The following BRINP1 variants were observed in gnomAD, a reference collection of about 807,000 sequenced individuals.
The protein encoded by BRINP1 is BMP/retinoic acid-inducible neural-specific protein 1.
Under a neutral mutation model 72.9 loss-of-function variants are expected in BRINP1, and 17 were observed. The ratio of observed to expected loss-of-function variants is 0.23; its 90% confidence interval spans 0.16 to 0.35. The LOEUF (loss-of-function observed/expected upper bound fraction) is 0.35, where lower values mean the gene tolerates loss of function less well. BRINP1 is among the 10% of genes least tolerant of loss of function. The probability of loss-of-function intolerance (pLI) is 1.00; values close to 1 mark genes in which losing one functional copy is unlikely to be tolerated. For synonymous variants in BRINP1, 418 were observed against 378.5 expected (o/e 1.10, Z -1.21); for missense variants, 850 against 1,001.6 (o/e 0.85, Z 2.04).
In BRINP1 at chr9:119,167,792, G is replaced by C. The variant is rs749027835; in HGVS notation, c.1578C>G (p.Leu526=). ...TGCGGTTCTTGTTGCTCTTGAGAGT[G>C]AGGGACATGCGCTTGCGCCACCGAG... ...FDPRWRKRMS[L]TLKSNKNRMD... is the part of the protein sequence containing the mutation. Residue 526 remains leucine, a synonymous_variant, in exon 8 of 8, where the codon CTC becomes CTG. Transcript: ENST00000265922. This position sits in a 1 kb window ranked among gnomAD's most constrained non-coding sequence, Gnocchi z 4.3. 2.0e-5 allele frequency: 32 copies of C among 1,613,954 alleles called. No homozygotes were observed. The highest frequency in any genetic ancestry group is 2.3e-5 in the Non-Finnish European group (27 of 1,180,034).
intron 7 of BRINP1, among the ~76,000 whole-genome samples, chr9:119,172,685 G>A (rs1829429940): frequency 6.6e-6 from 1 of 151,532 alleles, no homozygotes; most frequent in South Asian, 2.1e-4. Flanking sequence ...CCAAAAAAGA[G>A]AATTTTAGAC....
At chr9:119,338,728 A>C (rs1831376575) in intron 1 of BRINP1, among the ~76,000 whole-genome samples, 1 of 150,310 alleles carries the variant, frequency 6.7e-6, no homozygotes, top group African/African-American at 2.4e-5. Flanking sequence ...AAAAAAAAAA[A>C]AAAAGAAGAA....
intron 3 of BRINP1, among the ~76,000 whole-genome samples, chr9:119,245,184 C>G (rs1450632258): frequency 7.3e-6 from 1 of 137,554 alleles, no homozygotes; most frequent in East Asian, 2.6e-4. Context: ...TATGCATGTG[C>G]AAGCTCACAT....
At chr9:119,351,962 T>G (rs916201840) in intron 1 of BRINP1, among the ~76,000 whole-genome samples, 9 of 151,852 alleles carry the variant, frequency 5.9e-5, no homozygotes, top group Non-Finnish European at 1.5e-5. Flanking sequence ...TCCACCACCA[T>G]GCCCAGCTAA....
intron 7 of BRINP1, among the ~76,000 whole-genome samples, chr9:119,204,774 C>T (rs1829836473): frequency 6.6e-6 from 1 of 152,194 alleles, no homozygotes; most frequent in Non-Finnish European, 1.5e-5. Flanking sequence ...TTATTATCCC[C>T]TTTCACAAAT....
intron 1 of BRINP1, among the ~76,000 whole-genome samples, chr9:119,316,115 C>G (rs7022593): frequency 0.05 from 7,659 of 152,188 alleles, 657 homozygotes; most frequent in African/African-American, 0.17. Flanking sequence ...GAGACAGGGT[C>G]TTGCTCTGTC....
At chr9:119,239,237 T>C (rs1445401956) in intron 4 of BRINP1, among the ~76,000 whole-genome samples, 5 of 152,172 alleles carry the variant, frequency 3.3e-5, no homozygotes, top group African/African-American at 1.2e-4. Flanking sequence ...ATGGCATGTG[T>C]TCCATAATGG....
chr9:119,340,414 A>G (rs1049203617), intron 1 of BRINP1, among the ~76,000 whole-genome samples: 9 of 143,570 alleles, frequency 6.3e-5, no homozygotes, highest in South Asian at 2.2e-4. Context: ...CCTCTGAGGG[A>G]AAAAAAAAAG....
chr9:119,175,547 C>A (rs1213333754), intron 7 of BRINP1, among the ~76,000 whole-genome samples: 2 of 152,078 alleles, frequency 1.3e-5, no homozygotes, highest in African/African-American at 4.8e-5. Context: ...TATTTCCCTG[C>A]ATTTTTCCAG....
chr9:119,181,821 C>T (rs1315988639), intron 7 of BRINP1, among the ~76,000 whole-genome samples: 1 of 152,174 alleles, frequency 6.6e-6, no homozygotes, highest in African/African-American at 2.4e-5. Context: ...TGAGTCATAG[C>T]TCTGCTACTC....
rs531320307 is a variant in BRINP1 at position 119,333,131 on chromosome 9, G to A, written c.-50-19726C>T. On this transcript the variant is annotated intron_variant, in intron 1 of 7. Coordinates refer to ENST00000265922, the MANE Select transcript of BRINP1 (RefSeq NM_014618.3). ...CCCCAAGCTATGTGTCTTTAATCTAGTGTGGCTTGTGAGTCTCAAGCAGTC... is the reference window on the plus strand; with the variant it reads ...CCCCAAGCTATGTGTCTTTAATCTAATGTGGCTTGTGAGTCTCAAGCAGTC... Among the ~76,000 whole-genome samples the A allele has an allele frequency of 1.3e-4, 19 of 151,772 alleles. 1 individual carries two copies. The highest frequency in any genetic ancestry group is 4.6e-4 in the African/African-American group (19 of 41,364).
At chr9:119,184,944 A>T (rs77939398) in intron 7 of BRINP1, among the ~76,000 whole-genome samples, 362 of 152,308 alleles carry the variant, frequency 2.4e-3, no homozygotes, top group Non-Finnish European at 3.8e-3. Flanking sequence ...TGCTTTCCAA[A>T]GACTTTTGCA....
chr9:119,167,472 G>C lies in BRINP1; in HGVS notation c.1898C>G (p.Thr633Ser). ...CGACAGGTCCACGGGGCCCTGGCCA[G>C]TCTCATTTCGCAGTAGGGTAGGTAG... ...TRLPTLLRNE[T>S]GQGPVDLSDP... The change falls in exon 8 of 8, where the codon ACT becomes AGT. Residue 633 changes from threonine (T) to serine (S), a missense_variant. Physicochemically the swap from Thr to Ser is moderately conservative, Grantham distance 58 (BLOSUM62 1). Transcript: ENST00000265922. This position sits in a 1 kb window ranked among gnomAD's most constrained non-coding sequence, Gnocchi z 4.3. 6.2e-7 allele frequency: 1 copy of C among 1,614,146 alleles called. No homozygotes were observed. The highest frequency in any genetic ancestry group is 8.5e-7 in the Non-Finnish European group (1 of 1,180,022).
intron 7 of BRINP1, among the ~76,000 whole-genome samples, chr9:119,200,636 G>GAAAAAA (rs774466695): frequency 8.3e-6 from 1 of 121,206 alleles, no homozygotes; most frequent in Non-Finnish European, 1.7e-5. Context: ...GAAAAAAAAA[G>GAAAAAA]AAAAAAAAAA....
intron 1 of BRINP1, among the ~76,000 whole-genome samples, chr9:119,330,727 T>C (rs1831291118): frequency 6.6e-6 from 1 of 152,146 alleles, no homozygotes; most frequent in Non-Finnish European, 1.5e-5. Flanking sequence ...GCCTGTTTTC[T>C]CTTCTTAACA....
At chr9:119,339,111 T>C (rs2119021094) in intron 1 of BRINP1, among the ~76,000 whole-genome samples, 1 of 152,112 alleles carries the variant, frequency 6.6e-6, no homozygotes, top group East Asian at 1.9e-4. Context: ...AGACCAAGAG[T>C]AGAATAGGTT....
intron 5 of BRINP1, among the ~76,000 whole-genome samples, chr9:119,214,640 A>G (rs1313636697): frequency 1.3e-5 from 2 of 152,010 alleles, no homozygotes; most frequent in Non-Finnish European, 2.9e-5. Flanking sequence ...CAATATAATC[A>G]GCAGGTGTAG....
chr9:119,362,501 G>T (rs1003483817), intron 1 of BRINP1, among the ~76,000 whole-genome samples: 1 of 152,000 alleles, frequency 6.6e-6, no homozygotes, highest in Non-Finnish European at 1.5e-5. Context: ...TTTGCAGATC[G>T]GTACTATTAG....
intron 1 of BRINP1, among the ~76,000 whole-genome samples, chr9:119,337,172 T>C (rs1831355101): frequency 6.6e-6 from 1 of 152,226 alleles, no homozygotes; most frequent in African/African-American, 2.4e-5. Flanking sequence ...GCCCCTAACA[T>C]TGATTCCATC....
Sources: gnomAD v4.1 joint callset for allele counts (sites outside exome capture counted in the v4.1 genomes callset) on GRCh38, gnomAD v4.1.1 for gene constraint, Gnocchi (gnomAD v3.1) non-coding constraint, MANE v1.5 for transcripts, NCBI Gene and HGNC (gene_info 2026-07-23, HGNC 2026-07-21) for gene names.